Variants in CHRDL1 observed in about 807,000 individuals in gnomAD.
CHRDL1 encodes the protein chordin like 1.
Under a neutral mutation model 40.9 loss-of-function variants are expected in CHRDL1, and 19 were observed. The ratio of observed to expected loss-of-function variants is 0.46; its 90% CI spans 0.32 to 0.68. CHRDL1 has a LOEUF of 0.68. CHRDL1 is among the 30% of genes least tolerant of loss of function. CHRDL1 has a pLI of 0.03. For missense variants in CHRDL1, 329 were observed against 352.1 expected, an observed-to-expected ratio of 0.93 and a Z score of 0.53; for synonymous variants, 136 against 123.4, an observed-to-expected ratio of 1.10 and a Z score of -0.68.
intron 9 of CHRDL1, among the ~76,000 whole-genome samples, chrX:110,683,389 G>C (rs1402215434): frequency 8.9e-6 from 1 of 112,163 alleles, no homozygotes; most frequent in Non-Finnish European, 1.9e-5. Flanking sequence ...AAGACAATGT[G>C]CTTGATGTCA....
At chrX:110,746,872 C>T (rs1043770098) in intron 4 of CHRDL1, among the ~76,000 whole-genome samples, 1 of 111,697 alleles carries the variant, frequency 9.0e-6, no homozygotes, top group South Asian at 3.8e-4. Flanking sequence ...AAAGCAATTT[C>T]CCATATCAAC....
At chrX:110,743,154 A>G (rs888008756) in intron 4 of CHRDL1, among the ~76,000 whole-genome samples, 2 of 112,995 alleles carry the variant, frequency 1.8e-5, no homozygotes, top group Non-Finnish European at 3.7e-5. Flanking sequence ...AAGTGCAGAT[A>G]TAGAATGTTT....
intron 9 of CHRDL1, among the ~76,000 whole-genome samples, chrX:110,686,665 C>T (rs755030937): frequency 2.7e-5 from 3 of 109,562 alleles, no homozygotes; most frequent in South Asian, 8.0e-4. Flanking sequence ...CAGTGGCTCA[C>T]GCTTGTAATC....
Position 110,754,239 on chromosome X carries a change from T to C in CHRDL1, c.301+5422A>G, listed in dbSNP as rs1448535600. Among the ~76,000 whole-genome samples, 3 of 112,514 alleles carry C rather than the reference T, an allele frequency of 2.7e-5. No individual in the cohort carries two copies. The East Asian group carries it at 8.3e-4, about 31-fold the overall frequency. On this transcript the variant is annotated intron_variant, in intron 4 of 11. Coordinates refer to ENST00000372042, the MANE Select transcript of CHRDL1 (RefSeq NM_001143981.2). ...AAGCTAATGTTACCATTTTAAAAGG[T>C]GAAGTCTAGAAGTCTATATTTACTG...
intron 8 of CHRDL1, among the ~76,000 whole-genome samples, chrX:110,689,288 G>C (rs1254052157): frequency 1.1e-5 from 1 of 94,640 alleles, no homozygotes; most frequent in Non-Finnish European, 2.1e-5. Flanking sequence ...GTAGAGATGG[G>C]GTCTCCCTAT....
rs1308327897 is a variant in CHRDL1, at chrX:110,689,941, CTATATATCTA to C, written c.779-1148_779-1139del. On this transcript the variant is annotated intron_variant, in intron 8 of 11. Coordinates refer to ENST00000372042, the MANE Select transcript of CHRDL1 (RefSeq NM_001143981.2). The stretch of plus-strand genomic sequence containing the variant: ...TATATATCTATATATCTATATATAT[CTATATATCTA>C]TATATATCTATATATCTATATATAT... 1.9e-4 allele frequency among the ~76,000 whole-genome samples: 2 copies of C among 10,643 alleles called. 1 individual carries two copies. Among genetic ancestry groups the C allele is most frequent in the African/African-American group, 2.8e-3 (2 of 717 alleles). 9.2% of individuals were successfully genotyped at this position (10,643 alleles called of 115,157 possible).
intron 8 of CHRDL1, among the ~76,000 whole-genome samples, chrX:110,691,271 T>C (rs1360113541): frequency 1.9e-5 from 2 of 105,299 alleles, no homozygotes; most frequent in Non-Finnish European, 3.9e-5. Flanking sequence ...GAGGGGCCTA[T>C]AAAGGGAAGG....
chrX:110,737,135 A>G (rs1172710379), intron 4 of CHRDL1, among the ~76,000 whole-genome samples: 7 of 112,039 alleles, frequency 6.2e-5, no homozygotes, highest in Non-Finnish European at 1.9e-5. Context: ...TTACACACGG[A>G]CACACAGAAG....
intron 6 of CHRDL1, among the ~76,000 whole-genome samples, chrX:110,707,885 A>C (rs776011766): frequency 8.9e-6 from 1 of 112,019 alleles, no homozygotes; most frequent in Non-Finnish European, 1.9e-5. Flanking sequence ...AAATTTGTGC[A>C]ATCTATCTAT....
intron 4 of CHRDL1, among the ~76,000 whole-genome samples, chrX:110,740,237 A>T (rs1020722413): frequency 6.2e-5 from 7 of 112,567 alleles, no homozygotes; most frequent in African/African-American, 2.3e-4. Context: ...GAGTTCTTAG[A>T]GTGTGTGATT....
chrX:110,764,368 G>A (rs1253464385), intron 2 of CHRDL1, among the ~76,000 whole-genome samples: 1 of 112,330 alleles, frequency 8.9e-6, no homozygotes, highest in African/African-American at 3.2e-5. Flanking sequence ...GGACTGGCTG[G>A]AGCCGTGGCA....
Position 110,744,231 on chromosome X carries a change from T to C in CHRDL1, c.301+15430A>G, listed in dbSNP as rs141222067. 3.3e-3 allele frequency among the ~76,000 whole-genome samples: 376 copies of C among 112,509 alleles called. 1 individual carries two copies. The highest frequency in any genetic ancestry group is 0.011 in the African/African-American group (350 of 31,012). On this transcript the variant is annotated intron_variant, in intron 4 of 11. Coordinates refer to ENST00000372042, the MANE Select transcript of CHRDL1 (RefSeq NM_001143981.2). ...TTCAGTGTCAATCAACAAGTTTCCA[T>C]TGAATTCTGGACAAGCCAACTCCTC...
intron 4 of CHRDL1, among the ~76,000 whole-genome samples, chrX:110,724,551 G>T (rs1226484504): frequency 1.0e-5 from 1 of 99,252 alleles, no homozygotes; most frequent in Non-Finnish European, 2.1e-5. Context: ...TCTCGGGGGT[G>T]GGGGGCGAAT....
In CHRDL1 at chrX:110,678,189, T is replaced by G. The variant is rs137937196; in HGVS notation, c.1246+1147A>C. ...TCTGGCCTGGAGATCAAGTCCAATG[T>G]CCTAGCATGATAAATTGGGCACTTC... On this transcript the variant is annotated intron_variant, in intron 11 of 11. Coordinates refer to ENST00000372042, the MANE Select transcript of CHRDL1 (RefSeq NM_001143981.2). Among the ~76,000 whole-genome samples, 454 of 112,013 alleles carry G rather than the reference T, an allele frequency of 4.1e-3. 3 individuals are homozygous for G. Among genetic ancestry groups the G allele is most frequent in the African/African-American group, 0.013 (405 of 30,853 alleles).
At chrX:110,755,165 G>T (rs1175770095) in intron 4 of CHRDL1, among the ~76,000 whole-genome samples, 1 of 110,964 alleles carries the variant, frequency 9.0e-6, no homozygotes, top group Non-Finnish European at 1.9e-5. Flanking sequence ...TGACGTTCAT[G>T]AGTCCTATGC....
intron 2 of CHRDL1, among the ~76,000 whole-genome samples, chrX:110,767,979 A>T (rs184931710): frequency 8.9e-6 from 1 of 112,433 alleles, no homozygotes; most frequent in East Asian, 2.8e-4. Flanking sequence ...ATTTCAAACT[A>T]TACTATAAGG....
intron 6 of CHRDL1, among the ~76,000 whole-genome samples, chrX:110,705,304 T>C (rs866192897): frequency 0.025 from 1,925 of 77,567 alleles, 39 homozygotes; most frequent in African/African-American, 0.064. Context: ...TATATATATA[T>C]ACACACACAC....
intron 8 of CHRDL1, 79 bp from the exon 9 acceptor site, chrX:110,688,882 C>T: frequency 2.8e-6 from 2 of 712,378 alleles, no homozygotes; most frequent in African/African-American, 4.3e-5. Flanking sequence ...AAGCCCTGAA[C>T]TACTTAACAT....
chrX:110,736,942 A>G (rs1402274338), intron 4 of CHRDL1, among the ~76,000 whole-genome samples: 1 of 111,943 alleles, frequency 8.9e-6, no homozygotes, highest in Non-Finnish European at 1.9e-5. Flanking sequence ...GAGGAAACAA[A>G]GGCTAGGAAG....
Sources: allele counts gnomAD v4.1 joint callset (sites outside exome capture counted in the v4.1 genomes callset), GRCh38; gene constraint gnomAD v4.1.1; transcripts MANE v1.5; gene names NCBI Gene and HGNC (gene_info 2026-07-23, HGNC 2026-07-21).